Variants in PTPRD observed in about 807,000 individuals in gnomAD.
PTPRD encodes the protein receptor-type tyrosine-protein phosphatase delta.
A neutral mutation model predicts 214.5 loss-of-function variants in PTPRD; 34 were observed. The observed-to-expected ratio is 0.16, with a 90% CI of 0.12 to 0.21. PTPRD has a LOEUF of 0.21. PTPRD is among the 10% of genes least tolerant of loss of function. The probability of loss-of-function intolerance (pLI) is 1.00; values close to 1 mark genes in which losing one functional copy is unlikely to be tolerated. For missense variants in PTPRD, 2,545 were observed against 2,398.7 expected (o/e 1.06, Z -1.27); for synonymous variants, 1,128 against 845.7 (o/e 1.33, Z -5.79).
chr9:9,391,824 A>G (rs557703181), intron 9 of PTPRD, among the ~76,000 whole-genome samples: 3 of 152,228 alleles, frequency 2.0e-5, no homozygotes, highest in African/African-American at 7.2e-5. Context: ...GAAAAAGCAA[A>G]AAGTTTCTTC....
intron 3 of PTPRD, among the ~76,000 whole-genome samples, chr9:10,159,775 G>T (rs1231790605): frequency 6.6e-6 from 1 of 151,834 alleles, no homozygotes; most frequent in Non-Finnish European, 1.5e-5. Flanking sequence ...AATAATTACT[G>T]AGCTCGAAGA....
At position 8,507,216 on chromosome 9, in the gene PTPRD, C is replaced by G. The variant is rs751930464; in HGVS notation, c.1677+85G>C. On this transcript the variant is annotated intron_variant, in intron 22 of 45. Transcript: ENST00000381196. Reference sequence around the variant, plus strand: ...ATCAAGGTCCTCAATAGCTCTCTGACCAAGAATGTGGATAAATACACAAAA... The same window carrying G: ...ATCAAGGTCCTCAATAGCTCTCTGAGCAAGAATGTGGATAAATACACAAAA... The G allele has an allele frequency of 1.6e-5, 23 of 1,479,732 alleles. No homozygotes were observed. In the African/African-American group the frequency reaches 3.3e-4, roughly 21 times the overall value. 91.7% of individuals were successfully genotyped at this position (1,479,732 alleles called of 1,614,324 possible). A position where few individuals can be genotyped will look rare whatever the true frequency, so the allele number is the denominator to read the frequency against.
intron 5 of PTPRD, among the ~76,000 whole-genome samples, chr9:9,801,294 C>A (rs1427996161): frequency 6.6e-6 from 1 of 151,716 alleles, no homozygotes; most frequent in Non-Finnish European, 1.5e-5. Context: ...AGCTGACCCA[C>A]TTTTCTCTAT....
At chr9:9,398,547 C>G (rs1217824884) in intron 8 of PTPRD, among the ~76,000 whole-genome samples, 3 of 151,918 alleles carry the variant, frequency 2.0e-5, no homozygotes, top group Non-Finnish European at 4.4e-5. Context: ...TGGAATAAAA[C>G]TTGACTGTTA....
rs76546505 is a variant in PTPRD, at chr9:8,318,631, T to C, written c.5671-689A>G. 2.9e-3 allele frequency among the ~76,000 whole-genome samples: 434 copies of C among 152,066 alleles called. 19 individuals are homozygous for C. The East Asian group carries it at 0.065, about 23-fold the overall frequency. On this transcript the variant is annotated intron_variant, in intron 45 of 45. Coordinates refer to ENST00000381196, the MANE Select transcript of PTPRD (RefSeq NM_002839.4). ...CTTCCAAGCTTTCCATCCCTGAAAA[T>C]GGCTTCACAGGACTGGCTGCCCACA...
intron 43 of PTPRD, among the ~76,000 whole-genome samples, chr9:8,334,936 G>A (rs986604740): frequency 4.1e-5 from 6 of 147,968 alleles, no homozygotes; most frequent in Non-Finnish European, 9.0e-5. Context: ...TCCTGGAGAC[G>A]TACACCCTCC....
chr9:9,286,691 A>G (rs1025595070), intron 9 of PTPRD, among the ~76,000 whole-genome samples: 1 of 150,378 alleles, frequency 6.6e-6, no homozygotes, highest in Non-Finnish European at 1.5e-5. Flanking sequence ...CTTGTCTTTC[A>G]TTTGAATCCT....
At chr9:9,331,196 G>A (rs1443194841) in intron 9 of PTPRD, among the ~76,000 whole-genome samples, 1 of 152,038 alleles carries the variant, frequency 6.6e-6, no homozygotes, top group African/African-American at 2.4e-5. Context: ...TCCAAAACCA[G>A]CTTTCACTTA....
At chr9:8,621,089 G>A (rs1280399098) in intron 14 of PTPRD, among the ~76,000 whole-genome samples, 3 of 151,886 alleles carry the variant, frequency 2.0e-5, no homozygotes, top group African/African-American at 4.8e-5. Context: ...CCGGGTCTTT[G>A]GAAGGCATCG....
chr9:8,500,583 A>AAAAAAAAAAAAAG (rs1563868169), intron 24 of PTPRD, among the ~76,000 whole-genome samples, 171 bp downstream of exon 24: 3 of 146,318 alleles, frequency 2.1e-5, no homozygotes, highest in African/African-American at 7.6e-5. Context: ...AAAAAAAAAA[A>AAAAAAAAAAAAAG]AAAAAAAGGC....
intron 29 of PTPRD, among the ~76,000 whole-genome samples, chr9:8,484,788 C>T (rs1352559835): frequency 6.6e-6 from 1 of 152,100 alleles, no homozygotes; most frequent in African/African-American, 2.4e-5. Context: ...AAATGTTTCT[C>T]TATTTCTTAT....
chr9:9,079,142 T>C (rs970898218), intron 10 of PTPRD, among the ~76,000 whole-genome samples: 1 of 152,086 alleles, frequency 6.6e-6, no homozygotes, highest in Non-Finnish European at 1.5e-5. Context: ...CAGAACACTA[T>C]AACTTATTCT....
intron 3 of PTPRD, among the ~76,000 whole-genome samples, chr9:10,326,248 G>A (rs1003147065): frequency 6.6e-6 from 1 of 151,270 alleles, no homozygotes; most frequent in African/African-American, 2.4e-5. Context: ...ACATAATTCA[G>A]GTAAAATGCT....
intron 39 of PTPRD, among the ~76,000 whole-genome samples, chr9:8,353,922 A>ATATGTG: frequency 7.2e-6 from 1 of 138,060 alleles, no homozygotes; most frequent in African/African-American, 2.8e-5. Context: ...ATATATGTAT[A>ATATGTG]TATATGTGTG....
intron 2 of PTPRD, among the ~76,000 whole-genome samples, chr9:10,508,866 C>G (rs951977686): frequency 3.3e-5 from 5 of 151,994 alleles, no homozygotes; most frequent in African/African-American, 1.2e-4. Flanking sequence ...ATAGGTGCAG[C>G]ACACCAACAT....
rs10977335 is a variant in PTPRD, at chr9:8,888,283, G to A, written c.-104+130414C>T. Among the ~76,000 whole-genome samples the A allele has an allele frequency of 9.7e-4, 148 of 152,146 alleles. 2 individuals carry two copies. The East Asian group carries it at 0.026, about 27-fold the overall frequency. ...GTTTATGTACCAACATAGTAATACC[G>A]TTCATTTACATGGCTATTTATAGTT... is the stretch of plus-strand genomic sequence containing the variant. On this transcript the variant is annotated intron_variant, in intron 11 of 45. Coordinates refer to ENST00000381196, the MANE Select transcript of PTPRD (RefSeq NM_002839.4).
At chr9:10,479,652 A>AATAAATAAATAAATAC (rs144587771) in intron 2 of PTPRD, among the ~76,000 whole-genome samples, 1 of 124,096 alleles carries the variant, frequency 8.1e-6, no homozygotes. Context: ...TAAATAAATA[A>AATAAATAAATAAATAC]ATAAATAAAC....
At chr9:9,393,299 A>G (rs2066541638) in intron 9 of PTPRD, among the ~76,000 whole-genome samples, 1 of 152,180 alleles carries the variant, frequency 6.6e-6, no homozygotes, top group Non-Finnish European at 1.5e-5. Flanking sequence ...CCAATGGGAC[A>G]TTAGCAAGCT....
intron 12 of PTPRD, among the ~76,000 whole-genome samples, chr9:8,643,098 C>CA (rs150262835): frequency 0.072 from 10,918 of 151,988 alleles, 1,185 homozygotes; most frequent in African/African-American, 0.24. Context: ...AACAGACTTT[C>CA]AAAAAAATTG....
Sources: gnomAD v4.1 joint callset for allele counts (sites outside exome capture counted in the v4.1 genomes callset) on GRCh38, gnomAD v4.1.1 for gene constraint, MANE v1.5 for transcripts, NCBI Gene and HGNC (gene_info 2026-07-23, HGNC 2026-07-21) for gene names.